Variants in WAPL observed in about 807,000 individuals in gnomAD.
The protein encoded by WAPL is wings apart-like protein homolog.
A neutral mutation model predicts 121.0 loss-of-function variants in WAPL; 5 were observed. That is an observed-to-expected ratio of 0.04 (90% confidence interval 0.02 to 0.09). The LOEUF is 0.09. Ranked by LOEUF, WAPL falls within the 10% of genes least tolerant of loss-of-function variation. WAPL has a pLI of 1.00. For missense variants in WAPL, 999 were observed against 1,410.8 expected, an observed-to-expected ratio of 0.71 and a Z score of 4.68; for synonymous variants, 480 against 481.5, an observed-to-expected ratio of 1.00 and a Z score of 0.04.
intron 9 of WAPL, among the ~76,000 whole-genome samples, chr10:86,462,255 G>A (rs552461038): frequency 1.3e-5 from 2 of 152,230 alleles, no homozygotes; most frequent in South Asian, 2.1e-4. Flanking sequence ...TTCTCCCTAA[G>A]TTTCTCCCCT....
chr10:86,472,515 G>C lies in WAPL; in HGVS notation c.1893+97C>G. ...AAAGAAGTTTGTGGTTCAAAACTGA[G>C]TATCAGTATACTGATATTTGTTGAA... On this transcript the variant is annotated intron_variant, in intron 6 of 18. Coordinates refer to ENST00000298767, the MANE Select transcript of WAPL (RefSeq NM_015045.5). This position sits in a 1 kb window ranked among gnomAD's most constrained non-coding sequence, Gnocchi z 4.2. 1 of 1,515,464 alleles carries C rather than the reference G, an allele frequency of 6.6e-7. No individual in the cohort carries two copies. Among genetic ancestry groups the C allele is most frequent in the East Asian group, 2.3e-5 (1 of 44,006 alleles). The allele number at this position is 1,515,464 out of a possible 1,614,324, so 93.9% of individuals were successfully genotyped here.
rs1849332027 is a variant in WAPL, at chr10:86,436,728, A to G, written c.*815T>C. On this transcript the variant is annotated 3_prime_UTR_variant, in exon 19 of 19. Transcript: ENST00000298767. ...CTAATAATGTTTTAAGAGCCTCCCT[A>G]GCATTAAGTGTAAACTACCCTGGGT... The G allele has an allele frequency of 6.6e-6, 1 of 152,650 alleles. No homozygotes were observed. Among genetic ancestry groups the G allele is most frequent in the African/African-American group, 2.4e-5 (1 of 41,464 alleles). The allele number at this position is 152,650 out of a possible 1,614,324, so 9.5% of individuals were successfully genotyped here.
At position 86,519,496 on chromosome 10, in the gene WAPL, AC is replaced by A. The variant is rs139188414; in HGVS notation, c.-22-1406del. On this transcript the variant is annotated intron_variant, in intron 1 of 18. Coordinates refer to ENST00000298767, the MANE Select transcript of WAPL (RefSeq NM_015045.5). Reference sequence around the variant, plus strand: ...GAGTTTTATATAAATTCAGTAGTAGACCCCCCCCCATGTTTGGTGAGAACCC... The same window carrying A: ...GAGTTTTATATAAATTCAGTAGTAGACCCCCCCCATGTTTGGTGAGAACCC... Among the ~76,000 whole-genome samples, 1,057 of 150,072 alleles carry A rather than the reference AC, an allele frequency of 7.0e-3. 31 individuals are homozygous for A. Among genetic ancestry groups the A allele is most frequent in the Admixed American group, 0.046 (687 of 15,020 alleles).
At position 86,472,893 on chromosome 10, in the gene WAPL, C is replaced by A. The variant is rs539768653; in HGVS notation, c.1741-129G>T. ...TTTTAAAAAGCAGGGAGCAGGGAGG[C>A]CTCTCAAAGGTCTTTAGAAATACTT... is the stretch of plus-strand genomic sequence containing the variant. On this transcript the variant is annotated intron_variant, in intron 5 of 18. Coordinates refer to ENST00000298767, the MANE Select transcript of WAPL (RefSeq NM_015045.5). The surrounding 1 kb of genome is among the most constrained non-coding windows in gnomAD (Gnocchi z 4.2). 1.1e-6 allele frequency: 1 copy of A among 932,998 alleles called. No individual in the cohort carries two copies. The highest frequency in any genetic ancestry group is 1.5e-6 in the Non-Finnish European group (1 of 656,654). 57.8% of individuals were successfully genotyped at this position (932,998 alleles called of 1,614,324 possible).
At chr10:86,489,270 A>T (rs550357658) in intron 4 of WAPL, among the ~76,000 whole-genome samples, 6 of 152,198 alleles carry the variant, frequency 3.9e-5, no homozygotes, top group Non-Finnish European at 8.8e-5. Flanking sequence ...TGTTTAGGAG[A>T]CATGGGGGTG....
At position 86,472,081 on chromosome 10, in the gene WAPL, TATCACTGGCTATAC is replaced by T; in HGVS notation, c.2030+113_2030+126del. The T allele has an allele frequency of 2.6e-6, 2 of 760,670 alleles. No homozygotes were observed. Among genetic ancestry groups the T allele is most frequent in the Non-Finnish European group, 3.9e-6 (2 of 516,678 alleles). The allele number at this position is 760,670 out of a possible 1,614,324, so 47.1% of individuals were successfully genotyped here. ...TAAAGAAATGGATAGCATTTTAACA[TATCACTGGCTATAC>T]ATACTACCCCATCATAACAAAATAA... On this transcript the variant is annotated intron_variant, in intron 7 of 18. Transcript: ENST00000298767. This position sits in a 1 kb window ranked among gnomAD's most constrained non-coding sequence, Gnocchi z 4.2.
chr10:86,519,596 A>G (rs1366489071), intron 1 of WAPL, among the ~76,000 whole-genome samples: 1 of 152,204 alleles, frequency 6.6e-6, no homozygotes, highest in Non-Finnish European at 1.5e-5. Flanking sequence ...TTCCTGAAGG[A>G]GATGTATTTC....
chr10:86,510,068 CTTT>C (rs11323475), intron 2 of WAPL, among the ~76,000 whole-genome samples: 918 of 57,204 alleles, frequency 0.016, 3 homozygotes, highest in Middle Eastern at 0.036. Flanking sequence ...TCCACCCGGC[CTTT>C]TTTTTTTTTT....
intron 16 of WAPL, 22 bp downstream of exon 16, chr10:86,446,220 A>G (rs1446311881): frequency 1.7e-5 from 28 of 1,609,768 alleles, no homozygotes; most frequent in Non-Finnish European, 2.3e-5. Context: ...CAATTTAAAT[A>G]CACCATTCAA....
chr10:86,497,449 G>T, intron 3 of WAPL, 130 bp from the exon 4 acceptor site: 1 of 707,884 alleles, frequency 1.4e-6, no homozygotes, highest in East Asian at 2.8e-5. Flanking sequence ...CAGCACCACA[G>T]AGCTGACAAA....
At chr10:86,473,502 T>A (rs1311123240) in intron 5 of WAPL, among the ~76,000 whole-genome samples, 1 of 152,204 alleles carries the variant, frequency 6.6e-6, no homozygotes, top group Non-Finnish European at 1.5e-5. Context: ...AAAAGCAAAT[T>A]AAGCACTGAA....
At chr10:86,453,929 C>T (rs1841068253) in intron 12 of WAPL, 98 bp from the exon 13 acceptor site, 1 of 1,149,314 alleles carries the variant, frequency 8.7e-7, no homozygotes, top group African/African-American at 1.6e-5. Flanking sequence ...GATGAAATTT[C>T]ACTTTATTTT....
chr10:86,516,523 C>A (rs927291933), intron 2 of WAPL, among the ~76,000 whole-genome samples: 1 of 152,008 alleles, frequency 6.6e-6, no homozygotes, highest in Non-Finnish European at 1.5e-5. Flanking sequence ...TTTGCCAAGA[C>A]GTCAAGAACT....
intron 4 of WAPL, among the ~76,000 whole-genome samples, chr10:86,485,309 G>A (rs1334870712): frequency 1.3e-5 from 2 of 152,014 alleles, no homozygotes; most frequent in Non-Finnish European, 2.9e-5. Context: ...TTGGGAGGCC[G>A]AGGGAGGCGG....
chr10:86,473,863 G>T lies in WAPL; in HGVS notation c.1740+15C>A. ...TTATTAAAAAACACAAAATAAATAA[G>T]TACAGTTCACTTACTGTGACACTCT... On this transcript the variant is annotated intron_variant, in intron 5 of 18. Transcript: ENST00000298767. 1.3e-6 allele frequency: 2 copies of T among 1,578,436 alleles called. No individual in the cohort carries two copies. The highest frequency in any genetic ancestry group is 1.7e-4 in the Middle Eastern group (1 of 6,004).
intron 4 of WAPL, among the ~76,000 whole-genome samples, chr10:86,474,875 A>C (rs567459877): frequency 2.1e-4 from 32 of 152,348 alleles, no homozygotes; most frequent in African/African-American, 7.7e-4. Context: ...CGCTCATTTA[A>C]AGCAAACCAC....
Position 86,437,317 on chromosome 10 carries a change from C to A in WAPL, c.*226G>T. 1 of 517,986 alleles carries A rather than the reference C, an allele frequency of 1.9e-6. No individual in the cohort carries two copies. The highest frequency in any genetic ancestry group is 3.4e-6 in the Non-Finnish European group (1 of 295,414). 32.1% of individuals were successfully genotyped at this position (517,986 alleles called of 1,614,324 possible). On this transcript the variant is annotated 3_prime_UTR_variant, in exon 19 of 19. Transcript: ENST00000298767. ...AATACTGCATGGAATTGTTAACAGC[C>A]TGAACCTTTTCCCCTCATTTTTGAT...
intron 4 of WAPL, among the ~76,000 whole-genome samples, chr10:86,481,842 G>A (rs1288591491): frequency 6.6e-6 from 1 of 150,526 alleles, no homozygotes; most frequent in Non-Finnish European, 1.5e-5. Flanking sequence ...TTATAATGTT[G>A]TACACATTAA....
chr10:86,454,374 C>T (rs2132175076), intron 12 of WAPL, among the ~76,000 whole-genome samples: 1 of 152,242 alleles, frequency 6.6e-6, no homozygotes, highest in South Asian at 2.1e-4. Flanking sequence ...CCCTCTCCCT[C>T]TCCCTCCACA....
Sources: allele counts gnomAD v4.1 joint callset (sites outside exome capture counted in the v4.1 genomes callset), GRCh38; gene constraint gnomAD v4.1.1; non-coding constraint Gnocchi (gnomAD v3.1); transcripts MANE v1.5; gene names NCBI Gene and HGNC (gene_info 2026-07-23, HGNC 2026-07-21).